ZNF99: variants seen among roughly 807,000 people sequenced by gnomAD.
The protein encoded by ZNF99 is zinc finger protein 99.
ZNF99 carries 8 observed loss-of-function variants against 12.8 expected under a neutral mutation model. The ratio of observed to expected loss-of-function variants is 0.62; its 90% confidence interval spans 0.37 to 1.13. The LOEUF (loss-of-function observed/expected upper bound fraction) is 1.13. Among genes scored for constraint, ZNF99 ranks in the 50% most tolerant of loss-of-function variants. ZNF99 has a pLI of 0.02. For missense variants in ZNF99, 1,007 were observed against 1,006.2 expected (o/e 1.00, Z -0.01); for synonymous variants, 318 against 319.0 (o/e 1.00, Z 0.03).
chr19:22,779,772 C>A (rs1421193553), intron 1 of ZNF99, among the ~76,000 whole-genome samples: 1 of 152,118 alleles, frequency 6.6e-6, no homozygotes, highest in African/African-American at 2.4e-5. Context: ...CCTCCGACCT[C>A]CTCTCTAATA....
In ZNF99 at chr19:22,758,881, C is replaced by A. The variant is rs780043797; in HGVS notation, c.1028G>T (p.Cys343Phe). 1.2e-6 allele frequency: 2 copies of A among 1,613,702 alleles called. No individual in the cohort carries two copies. The highest frequency in any genetic ancestry group is 1.7e-6 in the Non-Finnish European group (2 of 1,179,900). Residue 343 changes from cysteine to phenylalanine, a missense_variant, in exon 4 of 4, where the codon TGT (cysteine) becomes TTT (phenylalanine). Coordinates refer to ENST00000596209, the MANE Select transcript of ZNF99 (RefSeq NM_001080409.3). Reference protein sequence around the residue: ...IIHTGKKPYKCEECGKAFSQS... With the variant: ...IIHTGKKPYKFEECGKAFSQS... ...GCTAAAAGCTTTGCCACATTCTTCA[C>A]ATTTGTAGGGTTTCTTTCCAGTATG...
At chr19:22,779,316 G>C (rs1198548323) in intron 1 of ZNF99, among the ~76,000 whole-genome samples, 1 of 152,106 alleles carries the variant, frequency 6.6e-6, no homozygotes, top group African/African-American at 2.4e-5. Context: ...AAAAGGTCAG[G>C]AGTTCGAGAC....
In ZNF99 at chr19:22,757,495, C is replaced by A. The variant is rs555699187; in HGVS notation, c.2414G>T (p.Arg805Ile). Residue 805 changes from arginine to isoleucine, a missense_variant, in exon 4 of 4, where the codon AGA becomes ATA. Arg to Ile is a moderately conservative substitution (Grantham distance 97, BLOSUM62 -3). Coordinates refer to ENST00000596209, the MANE Select transcript of ZNF99 (RefSeq NM_001080409.3). The part of the protein sequence containing the change: ...GKAFNNSSTL[R>I]KHEIIHTGEK... ...TCCAGTATGAATTATCTCATGTTTT[C>A]TAAGGGTTGAGGAATTGTTAAAAGC... 5.0e-6 allele frequency: 8 copies of A among 1,609,844 alleles called. No homozygotes were observed. The East Asian group carries it at 1.6e-4, about 31-fold the overall frequency.
Position 22,755,139 on chromosome 19 carries a change from C to G in ZNF99, c.*2175G>C. 1 of 211,454 alleles carries G rather than the reference C, an allele frequency of 4.7e-6. No individual in the cohort carries two copies. Among genetic ancestry groups the G allele is most frequent in the Non-Finnish European group, 9.8e-6 (1 of 101,592 alleles). 13.1% of individuals were successfully genotyped at this position (211,454 alleles called of 1,614,324 possible). ...ATTCACATTTGTAGGGTTTCTCTCC[C>G]ATTGAATTATGTTGTTTAGCAAGAG... On this transcript the variant is annotated 3_prime_UTR_variant, in exon 4 of 4. Coordinates refer to ENST00000596209, the MANE Select transcript of ZNF99 (RefSeq NM_001080409.3).
At position 22,752,196 on chromosome 19, in the gene ZNF99, GATTTT is replaced by G. The variant is rs1300791874; in HGVS notation, c.*5113_*5117del. 2.7e-5 allele frequency: 4 copies of G among 150,470 alleles called. No individual in the cohort carries two copies. Among genetic ancestry groups the G allele is most frequent in the African/African-American group, 9.8e-5 (4 of 40,918 alleles). 9.3% of individuals were successfully genotyped at this position (150,470 alleles called of 1,614,324 possible). ...TTTACTCAGGACCCAGATATGTATAGATTTTATTTACATTCCTATATGATTTTTAT... is the reference window on the plus strand; with the variant it reads ...TTTACTCAGGACCCAGATATGTATAGATTTACATTCCTATATGATTTTTAT... On this transcript the variant is annotated 3_prime_UTR_variant, in exon 4 of 4. Transcript: ENST00000596209.
Position 22,756,093 on chromosome 19 carries a change from T to C in ZNF99, c.*1221A>G. On this transcript the variant is annotated 3_prime_UTR_variant, in exon 4 of 4. Transcript: ENST00000596209. ...TGCCTATTAAGGCTTGAGGACTGGTTAAAAGCTTTGCCACATTCTTCACAT... is the reference window on the plus strand; with the variant it reads ...TGCCTATTAAGGCTTGAGGACTGGTCAAAAGCTTTGCCACATTCTTCACAT... The C allele has an allele frequency of 6.9e-7, 1 of 1,450,006 alleles. No individual in the cohort carries two copies. Among genetic ancestry groups the C allele is most frequent in the Non-Finnish European group, 9.3e-7 (1 of 1,079,056 alleles). 89.8% of individuals were successfully genotyped at this position (1,450,006 alleles called of 1,614,324 possible).
At chr19:22,771,998 G>A (rs961981981) in intron 1 of ZNF99, among the ~76,000 whole-genome samples, 1 of 151,332 alleles carries the variant, frequency 6.6e-6, no homozygotes, top group African/African-American at 2.4e-5. Flanking sequence ...TCACAGGCGT[G>A]AGCCACCGCG....
At chr19:22,765,952 TATA>T (rs772358276) in intron 3 of ZNF99, among the ~76,000 whole-genome samples, 12 of 152,136 alleles carry the variant, frequency 7.9e-5, no homozygotes, top group Non-Finnish European at 1.0e-4. Flanking sequence ...AATGTCTTAC[TATA>T]ATAATAGGCA....
intron 1 of ZNF99, among the ~76,000 whole-genome samples, chr19:22,778,811 C>T (rs904301304): frequency 1.3e-5 from 2 of 151,902 alleles, no homozygotes; most frequent in African/African-American, 2.4e-5. Context: ...TCAAGACTGG[C>T]CTGAACAACA....
intron 1 of ZNF99, among the ~76,000 whole-genome samples, chr19:22,772,933 G>A (rs7246854): frequency 0.086 from 13,028 of 152,174 alleles, 574 homozygotes; most frequent in Middle Eastern, 0.11. Context: ...ATGTGTACAT[G>A]TCTACTCAAT....
At chr19:22,762,822 G>A (rs1255334718) in intron 3 of ZNF99, among the ~76,000 whole-genome samples, 1 of 152,008 alleles carries the variant, frequency 6.6e-6, no homozygotes, top group African/African-American at 2.4e-5. Flanking sequence ...ATGCAGGGAT[G>A]GTTTAACAAA....
In ZNF99 at chr19:22,759,396, TTTC is replaced by T. The variant is rs1568383864; in HGVS notation, c.510_512del (p.Lys171del). Reference sequence around the variant, plus strand: ...TGCTACATTTCATACATTTGAAAGTTTTCTTTTTAGTGTGTCTAATCTTATATC... The same window carrying T: ...TGCTACATTTCATACATTTGAAAGTTTTTTTAGTGTGTCTAATCTTATATC... On this transcript the variant is annotated inframe_deletion, in exon 4 of 4. Coordinates refer to ENST00000596209, the MANE Select transcript of ZNF99 (RefSeq NM_001080409.3). 2 of 1,565,968 alleles carry T rather than the reference TTTC, an allele frequency of 1.3e-6. No homozygotes were observed. Among genetic ancestry groups the T allele is most frequent in the South Asian group, 1.2e-5 (1 of 86,272 alleles).
chr19:22,776,334 G>A (rs1973325490), intron 1 of ZNF99, among the ~76,000 whole-genome samples: 1 of 140,078 alleles, frequency 7.1e-6, no homozygotes. Context: ...TTGGGTGACA[G>A]AGTGAGGCTT....
rs370975514 is a variant in ZNF99, at chr19:22,756,667, G to A, written c.*647C>T. 9 of 1,480,004 alleles carry A rather than the reference G, an allele frequency of 6.1e-6. 2 individuals carry two copies. The East Asian group carries it at 1.0e-4, about 17-fold the overall frequency. 91.7% of individuals were successfully genotyped at this position (1,480,004 alleles called of 1,614,324 possible). A position where few individuals can be genotyped will look rare whatever the true frequency, so the allele number is the denominator to read the frequency against. The stretch of plus-strand genomic sequence containing the variant: ...AATTATCTTATGTTTCATAAGGGTC[G>A]AGAAATTGTTAAAACCTTTGCCACA... On this transcript the variant is annotated 3_prime_UTR_variant, in exon 4 of 4. Transcript: ENST00000596209.
In ZNF99 at chr19:22,757,018, T is replaced by C. The variant is rs775490527; in HGVS notation, c.*296A>G. 10 of 1,612,776 alleles carry C rather than the reference T, an allele frequency of 6.2e-6. No individual in the cohort carries two copies. Among genetic ancestry groups the C allele is most frequent in the Admixed American group, 1.7e-5 (1 of 59,956 alleles). On this transcript the variant is annotated 3_prime_UTR_variant, in exon 4 of 4. Transcript: ENST00000596209. ...TAAGGGCTGAGAAATTGCTAAAAGCTTTGCCACATTCTTCACATTTGTACG... is the reference window on the plus strand; with the variant it reads ...TAAGGGCTGAGAAATTGCTAAAAGCCTTGCCACATTCTTCACATTTGTACG...
chr19:22,757,049 T>G lies in ZNF99; in HGVS notation c.*265A>C. The G allele has an allele frequency of 6.2e-7, 1 of 1,613,104 alleles. No individual in the cohort carries two copies. The highest frequency in any genetic ancestry group is 8.5e-7 in the Non-Finnish European group (1 of 1,179,342). On this transcript the variant is annotated 3_prime_UTR_variant, in exon 4 of 4. Coordinates refer to ENST00000596209, the MANE Select transcript of ZNF99 (RefSeq NM_001080409.3). ...ACATTCTTCACATTTGTACGATTTC[T>G]CCCTAGTATGAATTAGCTTATGTTT...
intron 1 of ZNF99, among the ~76,000 whole-genome samples, chr19:22,782,020 CTT>C (rs780306385): frequency 1.3e-5 from 2 of 151,260 alleles, no homozygotes; most frequent in Non-Finnish European, 2.9e-5. Flanking sequence ...GCTTTCTTCT[CTT>C]AGGAAATATT....
chr19:22,756,051 C>A lies in ZNF99; in HGVS notation c.*1263G>T. 8.1e-7 allele frequency: 1 copy of A among 1,241,140 alleles called. No individual in the cohort carries two copies. Among genetic ancestry groups the A allele is most frequent in the Non-Finnish European group, 1.1e-6 (1 of 903,458 alleles). The allele number at this position is 1,241,140 out of a possible 1,614,324, so 76.9% of individuals were successfully genotyped here. On this transcript the variant is annotated 3_prime_UTR_variant, in exon 4 of 4. Coordinates refer to ENST00000596209, the MANE Select transcript of ZNF99 (RefSeq NM_001080409.3). The stretch of plus-strand genomic sequence containing the variant: ...TCTTTACATTTGTGGGGTTTCTCTC[C>A]AGCATGAATTGTTTTCTGCCTATTA...
At position 22,756,202 on chromosome 19, in the gene ZNF99, T is replaced by C. The variant is rs1194708807; in HGVS notation, c.*1112A>G. 6.4e-7 allele frequency: 1 copy of C among 1,560,234 alleles called. No individual in the cohort carries two copies. The highest frequency in any genetic ancestry group is 1.1e-5 in the South Asian group (1 of 89,548). On this transcript the variant is annotated 3_prime_UTR_variant, in exon 4 of 4. Coordinates refer to ENST00000596209, the MANE Select transcript of ZNF99 (RefSeq NM_001080409.3). Reference sequence around the variant, plus strand: ...TGAAAGCTTTGACACATTCTTCACATTTTTAGGGCTTCTCCCCAGTATGAA... The same window carrying C: ...TGAAAGCTTTGACACATTCTTCACACTTTTAGGGCTTCTCCCCAGTATGAA...
Sources: gnomAD v4.1 joint callset for allele counts (sites outside exome capture counted in the v4.1 genomes callset) on GRCh38, gnomAD v4.1.1 for gene constraint, MANE v1.5 for transcripts, NCBI Gene and HGNC (gene_info 2026-07-23, HGNC 2026-07-21) for gene names.